The following TMEM132C variants were observed in gnomAD, a reference collection of about 807,000 sequenced individuals.
TMEM132C encodes transmembrane protein 132C.
In TMEM132C, 29 loss-of-function variants were observed where a neutral mutation model predicts 61.4. That is an observed-to-expected ratio of 0.47 (90% CI 0.35 to 0.64). The LOEUF (loss-of-function observed/expected upper bound fraction) is 0.64. TMEM132C is among the 30% of genes least tolerant of loss of function. TMEM132C has a pLI of 0.00. For synonymous variants in TMEM132C, 656 were observed against 633.1 expected, an observed-to-expected ratio of 1.04 and a Z score of -0.54; for missense variants, 1,408 against 1,476.9, an observed-to-expected ratio of 0.95 and a Z score of 0.76.
chr12:128,286,282 T>C (rs774773110), intron 1 of TMEM132C, among the ~76,000 whole-genome samples: 7 of 152,220 alleles, frequency 4.6e-5, no homozygotes, highest in Non-Finnish European at 1.0e-4. Context: ...GAAACGACTC[T>C]GCCTTGCTTG....
At chr12:128,367,327 G>A (rs1406115380) in intron 1 of TMEM132C, among the ~76,000 whole-genome samples, 1 of 152,194 alleles carries the variant, frequency 6.6e-6, no homozygotes, top group Non-Finnish European at 1.5e-5. Flanking sequence ...TCTTCCAGAT[G>A]CTAAATACTT....
At chr12:128,417,227 A>C (rs77727625) in intron 2 of TMEM132C, among the ~76,000 whole-genome samples, 6,214 of 152,206 alleles carry the variant, frequency 0.041, 413 homozygotes, top group African/African-American at 0.14. Flanking sequence ...CTGGCTTTGG[A>C]AGCTGGAGAC....
At chr12:128,441,599 AT>A (rs1298952191) in intron 2 of TMEM132C, among the ~76,000 whole-genome samples, 4 of 152,172 alleles carry the variant, frequency 2.6e-5, no homozygotes, top group Non-Finnish European at 5.9e-5. Flanking sequence ...CAGGTGAGTC[AT>A]TGCCAGGTAG....
intron 1 of TMEM132C, among the ~76,000 whole-genome samples, chr12:128,268,705 G>C (rs1338627816): frequency 6.6e-6 from 1 of 152,052 alleles, no homozygotes; most frequent in African/African-American, 2.4e-5. Flanking sequence ...AGTTGTCAAT[G>C]GAGGTTTAAA....
intron 1 of TMEM132C, among the ~76,000 whole-genome samples, chr12:128,318,826 CAGTT>C (rs375652183): frequency 1.2e-4 from 18 of 152,290 alleles, no homozygotes; most frequent in African/African-American, 3.9e-4. Flanking sequence ...GCTTTCATGA[CAGTT>C]AGGAAAGAAA....
chr12:128,610,394 G>C lies in TMEM132C; in HGVS notation c.1122-5758G>C, dbSNP rs529725120. Among the ~76,000 whole-genome samples the C allele has an allele frequency of 9.2e-5, 14 of 152,320 alleles. No homozygotes were observed. In the South Asian group the frequency reaches 2.9e-3, roughly 32 times the overall value. ...CCAGACTCAATTTTCTTACCAAATA[G>C]AGTCTGACAGCTAAGAGGTTTGGTA... On this transcript the variant is annotated intron_variant, in intron 3 of 8. Coordinates refer to ENST00000435159, the MANE Select transcript of TMEM132C (RefSeq NM_001136103.3).
intron 3 of TMEM132C, among the ~76,000 whole-genome samples, chr12:128,578,007 A>ACAAG (rs2135557671): frequency 6.6e-6 from 1 of 152,362 alleles, no homozygotes; most frequent in South Asian, 2.1e-4. Flanking sequence ...TATTCAAATT[A>ACAAG]ACTCATTTTT....
At chr12:128,554,717 G>A (rs764998376) in intron 3 of TMEM132C, among the ~76,000 whole-genome samples, 3 of 152,166 alleles carry the variant, frequency 2.0e-5, no homozygotes, top group Non-Finnish European at 4.4e-5. Flanking sequence ...AGACTCAGCT[G>A]CCCCTCATTT....
rs1004010409 is a variant in TMEM132C, at chr12:128,705,989, G to A, written c.3021G>A (p.Glu1007=). Reference sequence around the variant, plus strand: ...ACCGCGGACCGGGGGCCTGCGAGGAGAGCAACCATCTCCTGCTCAATGGTG... The same window carrying A: ...ACCGCGGACCGGGGGCCTGCGAGGAAAGCAACCATCTCCTGCTCAATGGTG... ...IIDRGPGACE[E]SNHLLLNGGS... Residue 1007 remains glutamate (E), a synonymous_variant, in exon 9 of 9, where the codon GAG becomes GAA. Transcript: ENST00000435159. 1 of 1,551,582 alleles carries A rather than the reference G, an allele frequency of 6.4e-7. No homozygotes were observed. The highest frequency in any genetic ancestry group is 1.4e-5 in the African/African-American group (1 of 73,028).
intron 1 of TMEM132C, among the ~76,000 whole-genome samples, chr12:128,290,223 A>G (rs1456229509): frequency 1.3e-5 from 2 of 152,192 alleles, no homozygotes; most frequent in African/African-American, 2.4e-5. Context: ...TTATAAAGGA[A>G]AGAGGTTTGG....
intron 2 of TMEM132C, among the ~76,000 whole-genome samples, chr12:128,492,142 T>G (rs968069366): frequency 7.2e-5 from 11 of 152,150 alleles, no homozygotes; most frequent in Non-Finnish European, 1.6e-4. Context: ...AGAATGATGG[T>G]TTCCAGCTTC....
chr12:128,683,810 C>T (rs981782650), intron 5 of TMEM132C, among the ~76,000 whole-genome samples: 1 of 152,004 alleles, frequency 6.6e-6, no homozygotes, highest in African/African-American at 2.4e-5. Context: ...TTACTAAATA[C>T]AAAATATTAG....
rs559327731 is a variant in TMEM132C, at chr12:128,688,810, T to A, written c.1450-5019T>A. On this transcript the variant is annotated intron_variant, in intron 5 of 8. Coordinates refer to ENST00000435159, the MANE Select transcript of TMEM132C (RefSeq NM_001136103.3). ...AGCCTTAAAAACTGTTTTAAAAAAA[T>A]TGGGTTTCTTTTCTGTTTTCATTTC... Among the ~76,000 whole-genome samples, 25 of 152,236 alleles carry A rather than the reference T, an allele frequency of 1.6e-4. No homozygotes were observed. In the East Asian group the frequency reaches 3.1e-3, roughly 19 times the overall value.
At chr12:128,589,123 G>A (rs78551265) in intron 3 of TMEM132C, among the ~76,000 whole-genome samples, 3,542 of 152,082 alleles carry the variant, frequency 0.023, 108 homozygotes, top group Middle Eastern at 0.078. Context: ...TTGTCATGTC[G>A]GTTCCCTACA....
intron 3 of TMEM132C, among the ~76,000 whole-genome samples, chr12:128,552,637 G>A (rs1256838428): frequency 2.0e-5 from 3 of 152,192 alleles, no homozygotes; most frequent in East Asian, 1.9e-4. Context: ...GGCCAGGTGC[G>A]ATGGCTCACG....
intron 4 of TMEM132C, among the ~76,000 whole-genome samples, chr12:128,629,360 T>A (rs994020828): frequency 5.3e-5 from 8 of 152,042 alleles, no homozygotes; most frequent in South Asian, 2.1e-4. Context: ...GCAAAAAAAA[T>A]TTTTTAAAAA....
At chr12:128,378,396 G>A (rs1037270476) in intron 1 of TMEM132C, among the ~76,000 whole-genome samples, 25 of 151,400 alleles carry the variant, frequency 1.7e-4, no homozygotes, top group African/African-American at 4.6e-4. Context: ...GATTACAGGC[G>A]TGAGCCACCA....
At chr12:128,290,545 G>A (rs925251938) in intron 1 of TMEM132C, among the ~76,000 whole-genome samples, 2 of 152,060 alleles carry the variant, frequency 1.3e-5, no homozygotes, top group East Asian at 1.9e-4. Flanking sequence ...CTGAAGATGT[G>A]TGACGCACTG....
chr12:128,353,064 A>G (rs1025263523), intron 1 of TMEM132C, among the ~76,000 whole-genome samples: 4 of 152,180 alleles, frequency 2.6e-5, no homozygotes, highest in Admixed American at 6.5e-5. Context: ...TTTCTAAAAG[A>G]TCTTCTCTAG....
Sources: gnomAD v4.1 joint callset for allele counts (sites outside exome capture counted in the v4.1 genomes callset) on GRCh38, gnomAD v4.1.1 for gene constraint, MANE v1.5 for transcripts, NCBI Gene and HGNC (gene_info 2026-07-23, HGNC 2026-07-21) for gene names.